TBC1D32: variants seen among roughly 807,000 people sequenced by gnomAD.
TBC1D32 encodes protein broad-minded.
TBC1D32 carries 151 observed loss-of-function variants against 170.3 expected under a neutral mutation model. The ratio of observed to expected loss-of-function variants is 0.89; its 90% CI spans 0.78 to 1.01. The LOEUF is 1.01. TBC1D32 is among the 50% of genes least tolerant of loss of function. The pLI is 0.00. For missense variants in TBC1D32, 1,464 were observed against 1,457.1 expected (o/e 1.00, Z -0.08); for synonymous variants, 498 against 488.0 (o/e 1.02, Z -0.27).
intron 9 of TBC1D32, among the ~76,000 whole-genome samples, chr6:121,301,118 G>A (rs1031994157): frequency 6.6e-6 from 1 of 152,144 alleles, no homozygotes; most frequent in African/African-American, 2.4e-5. Flanking sequence ...CAACCATTGT[G>A]GAAGGCAGTG....
intron 11 of TBC1D32, among the ~76,000 whole-genome samples, chr6:121,293,079 C>A (rs1805105945): frequency 6.6e-6 from 1 of 151,598 alleles, no homozygotes; most frequent in African/African-American, 2.4e-5. Context: ...AGTTGGGCAA[C>A]TGCAGGCAGA....
At chr6:121,116,355 A>G (rs1779681036) in intron 26 of TBC1D32, among the ~76,000 whole-genome samples, 1 of 152,182 alleles carries the variant, frequency 6.6e-6, no homozygotes, top group Non-Finnish European at 1.5e-5. Context: ...AAGTAGTGTC[A>G]GAGATCAAAT....
intron 20 of TBC1D32, among the ~76,000 whole-genome samples, chr6:121,227,977 T>C (rs1583301103): frequency 6.6e-6 from 1 of 152,258 alleles, no homozygotes; most frequent in East Asian, 1.9e-4. Context: ...AACAAATGCA[T>C]ACCTATTTTT....
chr6:121,188,142 T>A (rs1466803618), intron 22 of TBC1D32, among the ~76,000 whole-genome samples: 1 of 152,144 alleles, frequency 6.6e-6, no homozygotes, highest in Non-Finnish European at 1.5e-5. Context: ...ACAAAGGAGA[T>A]ATTAAGAGTA....
chr6:121,090,138 T>C (rs1174738519), intron 31 of TBC1D32, among the ~76,000 whole-genome samples: 1 of 152,128 alleles, frequency 6.6e-6, no homozygotes, highest in East Asian at 1.9e-4. Flanking sequence ...TTCACCGTGT[T>C]AGCCAGGATG....
intron 15 of TBC1D32, among the ~76,000 whole-genome samples, chr6:121,257,132 CTACTT>C (rs1799145995): frequency 6.6e-6 from 1 of 152,178 alleles, no homozygotes; most frequent in African/African-American, 2.4e-5. Flanking sequence ...ATTTGGATAA[CTACTT>C]TACCATGGTG....
chr6:121,147,839 G>T (rs1037095683), intron 24 of TBC1D32, among the ~76,000 whole-genome samples: 1 of 151,616 alleles, frequency 6.6e-6, no homozygotes, highest in Non-Finnish European at 1.5e-5. Flanking sequence ...GGATCGGCCT[G>T]CCTCGGCCTC....
intron 14 of TBC1D32, among the ~76,000 whole-genome samples, chr6:121,280,954 C>T (rs1322486795): frequency 6.6e-6 from 1 of 151,806 alleles, no homozygotes; most frequent in Non-Finnish European, 1.5e-5. Flanking sequence ...TGAACAGACA[C>T]CCAAACTAGT....
At chr6:121,192,155 T>C (rs987484126) in intron 22 of TBC1D32, among the ~76,000 whole-genome samples, 2 of 151,286 alleles carry the variant, frequency 1.3e-5, no homozygotes, top group African/African-American at 4.9e-5. Flanking sequence ...TCTAAAGGAA[T>C]AGAATATTAA....
intron 21 of TBC1D32, among the ~76,000 whole-genome samples, chr6:121,212,549 G>C (rs1035149446): frequency 1.3e-5 from 2 of 150,094 alleles, no homozygotes; most frequent in Admixed American, 1.4e-4. Context: ...CTGCCTCCCA[G>C]GTTCAAGCAA....
At chr6:121,154,411 C>A (rs1041668186) in intron 24 of TBC1D32, among the ~76,000 whole-genome samples, 2 of 152,306 alleles carry the variant, frequency 1.3e-5, no homozygotes, top group Non-Finnish European at 2.9e-5. Context: ...TCACTGGGAT[C>A]TGAGGACTGG....
chr6:121,084,744 G>A (rs1182429722), intron 31 of TBC1D32, among the ~76,000 whole-genome samples: 2 of 152,040 alleles, frequency 1.3e-5, no homozygotes, highest in African/African-American at 4.8e-5. Flanking sequence ...CTTAAAATCT[G>A]AATTGAAGAT....
At position 121,221,431 on chromosome 6, in the gene TBC1D32, A is replaced by C. The variant is rs1188302098; in HGVS notation, c.2481+1805T>G. 2.0e-5 allele frequency among the ~76,000 whole-genome samples: 3 copies of C among 152,218 alleles called. No homozygotes were observed. The East Asian group carries it at 5.8e-4, about 29-fold the overall frequency. On this transcript the variant is annotated intron_variant, in intron 21 of 31. Coordinates refer to ENST00000398212, the MANE Select transcript of TBC1D32 (RefSeq NM_152730.6). Reference sequence around the variant, plus strand: ...GAGTAATTTTGACTTTCAAATATTTAAGAAATATATTTTGTAAGGCTATAA... The same window carrying C: ...GAGTAATTTTGACTTTCAAATATTTCAGAAATATATTTTGTAAGGCTATAA...
At chr6:121,207,152 C>A (rs1792381757) in intron 21 of TBC1D32, among the ~76,000 whole-genome samples, 2 of 152,144 alleles carry the variant, frequency 1.3e-5, no homozygotes, top group African/African-American at 2.4e-5. Flanking sequence ...CTTCACAGAA[C>A]AATCCAGAAT....
At chr6:121,180,858 AT>A (rs1260914933) in intron 22 of TBC1D32, among the ~76,000 whole-genome samples, 1 of 152,136 alleles carries the variant, frequency 6.6e-6, no homozygotes, top group Non-Finnish European at 1.5e-5. Flanking sequence ...TAAGCATAAT[AT>A]ATAAGGAATT....
chr6:121,268,640 G>A (rs1800890257), intron 15 of TBC1D32, among the ~76,000 whole-genome samples: 3 of 152,162 alleles, frequency 2.0e-5, no homozygotes, highest in Admixed American at 1.3e-4. Context: ...TCTGACTGAT[G>A]TACCTGAAAG....
At chr6:121,334,683 G>T, upstream of TBC1D32, 1 of 536,568 alleles carries the variant, frequency 1.9e-6, no homozygotes, top group Non-Finnish European at 3.3e-6. Flanking sequence ...TTCAGTACCA[G>T]CAGACCTCAG....
intron 22 of TBC1D32, among the ~76,000 whole-genome samples, chr6:121,174,942 G>C (rs966093412): frequency 6.7e-6 from 1 of 148,912 alleles, no homozygotes; most frequent in Admixed American, 6.8e-5. Flanking sequence ...TGAGGTGGGA[G>C]AATCACCTGA....
At position 121,098,037 on chromosome 6, in the gene TBC1D32, G is replaced by A. The variant is rs937775149; in HGVS notation, c.3466-6996C>T. 7.2e-5 allele frequency among the ~76,000 whole-genome samples: 11 copies of A among 151,918 alleles called. No homozygotes were observed. The South Asian group carries it at 1.0e-3, about 14-fold the overall frequency. ...AGGGGAGGGGAACATGACAGACTGG[G>A]GCCTATTGGGGAGTGGGGGCCTAGG... On this transcript the variant is annotated intron_variant, in intron 30 of 31. Transcript: ENST00000398212.
Sources: gnomAD v4.1 joint callset for allele counts (sites outside exome capture counted in the v4.1 genomes callset) on GRCh38, gnomAD v4.1.1 for gene constraint, MANE v1.5 for transcripts, NCBI Gene and HGNC (gene_info 2026-07-23, HGNC 2026-07-21) for gene names.